Variants in RUBCN observed in about 807,000 individuals in gnomAD.
The protein encoded by RUBCN is rubicon autophagy regulator, also known as run domain Beclin-1-interacting and cysteine-rich domain-containing protein.
RUBCN carries 74 observed loss-of-function variants against 113.2 expected under a neutral mutation model. The observed-to-expected ratio is 0.65, with a 90% CI of 0.54 to 0.79. The LOEUF (loss-of-function observed/expected upper bound fraction) is 0.79. Among genes scored for constraint, RUBCN ranks in the 30% least tolerant of loss-of-function variants. The pLI is 0.00. For synonymous variants in RUBCN, 480 were observed against 490.0 expected (o/e 0.98, Z 0.27); for missense variants, 1,109 against 1,251.7 (o/e 0.89, Z 1.72).
chr3:197,736,854 G>A lies in RUBCN; in HGVS notation c.-135C>T. ...TCCGGGTGATGCGCTACACCCGGGC[G>A]GCGACAGCGGGAGGGACCGCCGCCT... is the stretch of plus-strand genomic sequence containing the variant. On this transcript the variant is annotated 5_prime_UTR_variant, in exon 1 of 20. Transcript: ENST00000296343. The A allele has an allele frequency of 7.2e-7, 1 of 1,382,930 alleles. No homozygotes were observed. Among genetic ancestry groups the A allele is most frequent in the East Asian group, 3.0e-5 (1 of 33,894 alleles). 85.7% of individuals were successfully genotyped at this position (1,382,930 alleles called of 1,614,324 possible).
Position 197,675,589 on chromosome 3 carries a change from G to C in RUBCN, c.2647-74C>G. 3 of 1,106,220 alleles carry C rather than the reference G, an allele frequency of 2.7e-6. No homozygotes were observed. Among genetic ancestry groups the C allele is most frequent in the Non-Finnish European group, 2.8e-6 (2 of 724,202 alleles). 68.5% of individuals were successfully genotyped at this position (1,106,220 alleles called of 1,614,324 possible). A position where few individuals can be genotyped will look rare whatever the true frequency, so the allele number is the denominator to read the frequency against. ...ACTGGCACGGGAGGGTGAACACCGA[G>C]GAGGGGAGTGGTCTACAGGGTTCTG... On this transcript the variant is annotated intron_variant, in intron 18 of 19. Transcript: ENST00000296343. The surrounding 1 kb of genome is among the most constrained non-coding windows in gnomAD (Gnocchi z 4.4).
chr3:197,695,783 C>T, intron 9 of RUBCN, 83 bp downstream of exon 9: 1 of 1,249,266 alleles, frequency 8.0e-7, no homozygotes, highest in East Asian at 2.3e-5. Flanking sequence ...ATACCCAAAA[C>T]CTCATCAGAA....
chr3:197,727,560 T>C (rs1726902691), intron 1 of RUBCN, among the ~76,000 whole-genome samples: 1 of 152,184 alleles, frequency 6.6e-6, no homozygotes, highest in African/African-American at 2.4e-5. Context: ...GGTTACAGTG[T>C]TCCACATCCA....
At chr3:197,690,311 G>T (rs1270181322) in intron 11 of RUBCN, among the ~76,000 whole-genome samples, 2 of 152,222 alleles carry the variant, frequency 1.3e-5, no homozygotes, top group Middle Eastern at 3.4e-3. Flanking sequence ...GGTGGCAGCT[G>T]CCTGTAGTCC....
chr3:197,733,017 C>T (rs929187138), intron 1 of RUBCN, among the ~76,000 whole-genome samples: 2 of 152,196 alleles, frequency 1.3e-5, no homozygotes, highest in Non-Finnish European at 2.9e-5. Flanking sequence ...AAGCATTATT[C>T]TTCCTACTCA....
Position 197,703,432 on chromosome 3 carries a change from A to AAT in RUBCN, c.570+115_570+116insAT, listed in dbSNP as rs1553896558. The AAT allele has an allele frequency of 3.6e-3, 1,576 of 438,234 alleles. 25 individuals are homozygous for AAT. The highest frequency in any genetic ancestry group is 0.013 in the African/African-American group (505 of 40,360). The allele number at this position is 438,234 out of a possible 1,614,324, so 27.1% of individuals were successfully genotyped here. ...AAAAAAAAAAAAAAAAAAAAAAAAA[A>AAT]TGCAAGCCTTTCAGCTCACAAAAAT... On this transcript the variant is annotated intron_variant, in intron 5 of 19. Coordinates refer to ENST00000296343, the MANE Select transcript of RUBCN (RefSeq NM_014687.4).
chr3:197,685,641 T>C (rs1560413675), intron 11 of RUBCN, among the ~76,000 whole-genome samples: 1 of 152,256 alleles, frequency 6.6e-6, no homozygotes, highest in Non-Finnish European at 1.5e-5. Context: ...TCAAATCTGT[T>C]GGTTTTCCTA....
rs1447177999 is a variant in RUBCN, at chr3:197,670,949, A to G, written c.*4069T>C. Among the ~76,000 whole-genome samples, 3 of 152,198 alleles carry G rather than the reference A, an allele frequency of 2.0e-5. No homozygotes were observed. Among genetic ancestry groups the G allele is most frequent in the Admixed American group, 1.3e-4 (2 of 15,276 alleles). ...TCACTACTGCAGAGACTTGGTGAGC[A>G]CTAAGAGGGGAGGTAGAGGTGGTCA... On this transcript the variant is annotated 3_prime_UTR_variant, in exon 20 of 20. Coordinates refer to ENST00000296343, the MANE Select transcript of RUBCN (RefSeq NM_014687.4).
chr3:197,728,095 G>A (rs1023795883), intron 1 of RUBCN, among the ~76,000 whole-genome samples: 1 of 152,284 alleles, frequency 6.6e-6, no homozygotes, highest in African/African-American at 2.4e-5. Context: ...TCAGGAGGCT[G>A]AAGCAGGAGG....
At chr3:197,722,019 A>G (rs1726226452) in intron 1 of RUBCN, among the ~76,000 whole-genome samples, 1 of 152,116 alleles carries the variant, frequency 6.6e-6, no homozygotes, top group Non-Finnish European at 1.5e-5. Context: ...TGGGCGGATC[A>G]CTTGAGGTCA....
At chr3:197,739,478 G>C (rs1278604108), upstream of RUBCN, among the ~76,000 whole-genome samples, 1 of 151,558 alleles carries the variant, frequency 6.6e-6, no homozygotes. Flanking sequence ...CAGATCACGA[G>C]GTCAGGAGAT....
At position 197,674,559 on chromosome 3, in the gene RUBCN, G is replaced by C. The variant is rs773545156; in HGVS notation, c.*459C>G. ...ACAGTCTGACCCCAGTCCAGGACAGGGAGAGGGAAAACGCCATCCCCGTTT... is the reference window on the plus strand; with the variant it reads ...ACAGTCTGACCCCAGTCCAGGACAGCGAGAGGGAAAACGCCATCCCCGTTT... On this transcript the variant is annotated 3_prime_UTR_variant, in exon 20 of 20. Transcript: ENST00000296343. 9 of 517,168 alleles carry C rather than the reference G, an allele frequency of 1.7e-5. No individual in the cohort carries two copies. Among genetic ancestry groups the C allele is most frequent in the South Asian group, 1.3e-4 (9 of 69,378 alleles). 32.0% of individuals were successfully genotyped at this position (517,168 alleles called of 1,614,324 possible). A position where few individuals can be genotyped will look rare whatever the true frequency, so the allele number is the denominator to read the frequency against.
chr3:197,725,755 T>C (rs1387792618), intron 1 of RUBCN, among the ~76,000 whole-genome samples: 1 of 152,122 alleles, frequency 6.6e-6, no homozygotes, highest in African/African-American at 2.4e-5. Context: ...TAACATCAAA[T>C]GCATTGAATT....
chr3:197,682,065 C>T (rs1721306268), intron 14 of RUBCN, among the ~76,000 whole-genome samples, 166 bp from the exon 15 acceptor site: 1 of 152,026 alleles, frequency 6.6e-6, no homozygotes. Flanking sequence ...AGAGCTAACT[C>T]CATATAAGAT....
At position 197,700,711 on chromosome 3, in the gene RUBCN, C is replaced by G; in HGVS notation, c.1163G>C (p.Ser388Thr). 1 of 1,614,220 alleles carries G rather than the reference C, an allele frequency of 6.2e-7. No homozygotes were observed. Among genetic ancestry groups the G allele is most frequent in the Non-Finnish European group, 8.5e-7 (1 of 1,180,050 alleles). ...SQLSSVLRRS[S>T]FSEGQTLTVT... ...AGTGAGTGTCTGCCCCTCTGAGAAG[C>G]TGGACCTGCGGAGGACACTGGACAG... The change falls in exon 7 of 20, where the codon AGC (serine) becomes ACC (threonine). Residue 388 changes from serine (S) to threonine (T), a missense_variant. Ser to Thr is a moderately conservative substitution (Grantham distance 58). This residue lies in a region of RUBCN where 736 missense variants were observed against 779.6 expected (regional missense o/e 0.94). Coordinates refer to ENST00000296343, the MANE Select transcript of RUBCN (RefSeq NM_014687.4).
Position 197,676,956 on chromosome 3 carries a change from T to C in RUBCN, c.2575A>G (p.Arg859Gly). 6.2e-7 allele frequency: 1 copy of C among 1,614,202 alleles called. No homozygotes were observed. The highest frequency in any genetic ancestry group is 2.2e-5 in the East Asian group (1 of 44,888). Residue 859 changes from arginine to glycine, a missense_variant, in exon 18 of 20, where the codon AGG becomes GGG. By Grantham distance (125) the Arg-to-Gly change is moderately radical. Coordinates refer to ENST00000296343, the MANE Select transcript of RUBCN (RefSeq NM_014687.4). The stretch of plus-strand genomic sequence containing the variant: ...AGCCGGGGCCCCAGCTCCCCCTTCC[T>C]GGTCGCAGTCAGGTCATTCAGTGAG... Reference protein sequence around the residue: ...LYSLNDLTATRKGELGPRLAE... With the variant: ...LYSLNDLTATGKGELGPRLAE...
rs557780475 is a variant in RUBCN at position 197,685,142 on chromosome 3, A to G, written c.1787-925T>C. On this transcript the variant is annotated intron_variant, in intron 11 of 19. Coordinates refer to ENST00000296343, the MANE Select transcript of RUBCN (RefSeq NM_014687.4). ...AGGATTTAGAAGACGATTTCTAATA[A>G]TGATATGCTGAACCTCCAGAGACCT... Among the ~76,000 whole-genome samples, 220 of 152,318 alleles carry G rather than the reference A, an allele frequency of 1.4e-3. 1 individual carries two copies. The highest frequency in any genetic ancestry group is 5.1e-3 in the African/African-American group (211 of 41,570).
In RUBCN at chr3:197,717,978, T is replaced by C. The variant is rs761211065; in HGVS notation, c.218A>G (p.Gln73Arg). The change falls in exon 2 of 20, where the codon CAG becomes CGG. Residue 73 changes from glutamine to arginine, a missense_variant and splice_region_variant. By Grantham distance (43) the Gln-to-Arg change is conservative (BLOSUM62 1). Coordinates refer to ENST00000296343, the MANE Select transcript of RUBCN (RefSeq NM_014687.4). ...SILYHGLIRD[Q>R]ACRRQTDYWQ... The stretch of plus-strand genomic sequence containing the variant: ...GGCAAAAAAAGGAGTTCTGCATACC[T>C]GGTCACGGATAAGCCCGTGATAGAG... The C allele has an allele frequency of 6.2e-7, 1 of 1,613,602 alleles. No individual in the cohort carries two copies. The highest frequency in any genetic ancestry group is 1.3e-5 in the African/African-American group (1 of 74,928).
Position 197,681,040 on chromosome 3 carries a change from A to G in RUBCN, c.2430+89T>C, listed in dbSNP as rs1462388552. On this transcript the variant is annotated intron_variant, in intron 16 of 19. Transcript: ENST00000296343. The surrounding 1 kb of genome is among the most constrained non-coding windows in gnomAD (Gnocchi z 5.5). Reference sequence around the variant, plus strand: ...TGGGGGGAGGGGACAAGAGGAGGGGATGGGGGGAGGGGACGGGGGAGGGAC... The same window carrying G: ...TGGGGGGAGGGGACAAGAGGAGGGGGTGGGGGGAGGGGACGGGGGAGGGAC... 8.6e-6 allele frequency: 4 copies of G among 462,438 alleles called. No homozygotes were observed. The highest frequency in any genetic ancestry group is 1.1e-4 in the African/African-American group (2 of 17,522). The allele number at this position is 462,438 out of a possible 1,614,324, so 28.6% of individuals were successfully genotyped here.
Sources: gnomAD v4.1 joint callset for allele counts (sites outside exome capture counted in the v4.1 genomes callset) on GRCh38, gnomAD v4.1.1 for gene constraint, gnomAD v4.1.1 regional missense constraint, Gnocchi (gnomAD v3.1) non-coding constraint, MANE v1.5 for transcripts, NCBI Gene and HGNC (gene_info 2026-07-23, HGNC 2026-07-21) for gene names.